Variants in CDH12 observed in about 807,000 individuals in gnomAD.
CDH12 encodes the protein cadherin 12, also known as cadherin-12.
In CDH12, 41 loss-of-function variants were observed where a neutral mutation model predicts 74.1. The observed-to-expected ratio is 0.55, with a 90% confidence interval of 0.43 to 0.72. CDH12 has a LOEUF of 0.72. Ranked by LOEUF, CDH12 falls within the 30% of genes least tolerant of loss-of-function variation. CDH12 has a pLI of 0.00. For synonymous variants in CDH12, 399 were observed against 355.0 expected (o/e 1.12, Z -1.39); for missense variants, 945 against 977.2 (o/e 0.97, Z 0.44).
At chr5:22,009,144 T>C (rs4327574) in intron 5 of CDH12, among the ~76,000 whole-genome samples, 55,379 of 152,030 alleles carry the variant, frequency 0.36, 13,552 homozygotes, top group African/African-American at 0.7. Context: ...TGCAAGAAGC[T>C]GAGGCGACTA....
chr5:22,316,892 C>T (rs1050601458), intron 3 of CDH12, among the ~76,000 whole-genome samples: 5 of 152,054 alleles, frequency 3.3e-5, no homozygotes, highest in Admixed American at 6.6e-5. Flanking sequence ...TCCCTCTGCT[C>T]TAGGATGTGT....
intron 1 of CDH12, among the ~76,000 whole-genome samples, chr5:22,761,470 A>T (rs1311985507): frequency 6.6e-6 from 1 of 152,184 alleles, no homozygotes; most frequent in African/African-American, 2.4e-5. Flanking sequence ...AATCACAAGT[A>T]AATGGTTATC....
chr5:22,724,245 A>T (rs938393447), intron 1 of CDH12, among the ~76,000 whole-genome samples: 2 of 140,348 alleles, frequency 1.4e-5, no homozygotes, highest in African/African-American at 4.9e-5. Flanking sequence ...AAAATTTTTT[A>T]ATTTCAATTG....
intron 1 of CDH12, among the ~76,000 whole-genome samples, chr5:22,626,211 C>T (rs1225127882): frequency 1.3e-5 from 2 of 152,206 alleles, no homozygotes; most frequent in Admixed American, 1.3e-4. Context: ...GCCTCTGCCC[C>T]ATTCCTGCCA....
At chr5:22,495,550 GAA>G (rs1363903108) in intron 2 of CDH12, among the ~76,000 whole-genome samples, 1 of 152,024 alleles carries the variant, frequency 6.6e-6, no homozygotes, top group African/African-American at 2.4e-5. Flanking sequence ...TATGAAACAT[GAA>G]AAGAGTCTGA....
chr5:21,928,317 C>T (rs1754684589), intron 6 of CDH12, among the ~76,000 whole-genome samples: 1 of 152,136 alleles, frequency 6.6e-6, no homozygotes, highest in Non-Finnish European at 1.5e-5. Context: ...GAAAATGAAA[C>T]ACACTCATTC....
rs550925799 is a variant in CDH12, at chr5:22,081,831, C to T, written c.-186-2969G>A. On this transcript the variant is annotated intron_variant, in intron 4 of 14. Coordinates refer to ENST00000382254, the MANE Select transcript of CDH12 (RefSeq NM_004061.5). The stretch of plus-strand genomic sequence containing the variant: ...TACCAGAGTAATCTTGCAGAAGTTT[C>T]CATCCACTCACATCACTTTCCATCT... 5.3e-5 allele frequency among the ~76,000 whole-genome samples: 8 copies of T among 152,296 alleles called. No homozygotes were observed. The East Asian group carries it at 9.6e-4, about 18-fold the overall frequency.
intron 4 of CDH12, among the ~76,000 whole-genome samples, chr5:22,158,583 G>A (rs1342011200): frequency 2.0e-5 from 3 of 152,030 alleles, no homozygotes; most frequent in Non-Finnish European, 2.9e-5. Context: ...GAAATATCAC[G>A]GTGGTAATTC....
intron 5 of CDH12, among the ~76,000 whole-genome samples, chr5:22,007,376 A>G (rs1737027939): frequency 6.6e-6 from 1 of 152,168 alleles, no homozygotes; most frequent in Non-Finnish European, 1.5e-5. Context: ...GCCATATATT[A>G]ATTAGCTTGA....
At chr5:22,770,309 A>G (rs559008321) in intron 1 of CDH12, among the ~76,000 whole-genome samples, 1 of 152,274 alleles carries the variant, frequency 6.6e-6, no homozygotes, top group Non-Finnish European at 1.5e-5. Context: ...CATACAGGGG[A>G]AGAAAACATA....
intron 6 of CDH12, among the ~76,000 whole-genome samples, chr5:21,931,472 G>T (rs1228374180): frequency 6.6e-6 from 1 of 152,112 alleles, no homozygotes; most frequent in African/African-American, 2.4e-5. Context: ...ATGGATCAAT[G>T]AACAAAAGAA....
intron 5 of CDH12, among the ~76,000 whole-genome samples, chr5:22,061,216 G>T (rs114370305): frequency 1.3e-5 from 2 of 152,094 alleles, no homozygotes; most frequent in Admixed American, 6.6e-5. Context: ...AATTCCACAG[G>T]TAGAAATAAT....
Position 22,525,722 on chromosome 5 carries a change from C to T in CDH12, c.-522-20358G>A, listed in dbSNP as rs1051868224. ...AGGCTCCCCCTCAGAGAAGCAACTT[C>T]GGGCTCTACTTGTGGGTACTGGGTA... is the stretch of plus-strand genomic sequence containing the variant. On this transcript the variant is annotated intron_variant, in intron 1 of 14. Transcript: ENST00000382254. 9.9e-5 allele frequency among the ~76,000 whole-genome samples: 15 copies of T among 152,158 alleles called. No homozygotes were observed. In the South Asian group the frequency reaches 1.5e-3, roughly 15 times the overall value.
At chr5:22,320,513 A>G (rs1738827773) in intron 3 of CDH12, among the ~76,000 whole-genome samples, 1 of 152,178 alleles carries the variant, frequency 6.6e-6, no homozygotes, top group Admixed American at 6.5e-5. Context: ...CAAGTAAAAT[A>G]AAAATATGTA....
chr5:21,848,727 T>C lies in CDH12; in HGVS notation c.646+5944A>G, dbSNP rs1750312033. Among the ~76,000 whole-genome samples, 3 of 151,976 alleles carry C rather than the reference T, an allele frequency of 2.0e-5. 1 individual carries two copies. The South Asian group carries it at 6.2e-4, about 31-fold the overall frequency. On this transcript the variant is annotated intron_variant, in intron 7 of 14. Coordinates refer to ENST00000382254, the MANE Select transcript of CDH12 (RefSeq NM_004061.5). ...ATTGTCCAACTTCTTAACTGTATCA[T>C]GTCTTAACTCTCCTATAGGACTTAT...
intron 6 of CDH12, among the ~76,000 whole-genome samples, chr5:21,972,060 T>C (rs568902465): frequency 9.2e-5 from 14 of 152,326 alleles, no homozygotes; most frequent in African/African-American, 2.9e-4. Flanking sequence ...ATATGTTCTT[T>C]GTAATGTTCA....
At chr5:22,297,210 G>A (rs984086363) in intron 3 of CDH12, among the ~76,000 whole-genome samples, 3 of 151,944 alleles carry the variant, frequency 2.0e-5, no homozygotes, top group African/African-American at 7.2e-5. Flanking sequence ...TAATGGACAC[G>A]GGGTTTCTCC....
At chr5:21,762,025 T>C (rs999364991) in intron 12 of CDH12, among the ~76,000 whole-genome samples, 4 of 152,154 alleles carry the variant, frequency 2.6e-5, no homozygotes, top group Non-Finnish European at 5.9e-5. Flanking sequence ...AAACCAACTT[T>C]CCTTCACTTA....
chr5:21,875,206 T>C (rs1271954804), intron 6 of CDH12, among the ~76,000 whole-genome samples: 1 of 152,244 alleles, frequency 6.6e-6, no homozygotes, highest in Non-Finnish European at 1.5e-5. Flanking sequence ...TATTTTATAC[T>C]TGAGTTGCAT....
Sources: allele counts gnomAD v4.1 joint callset (sites outside exome capture counted in the v4.1 genomes callset), GRCh38; gene constraint gnomAD v4.1.1; transcripts MANE v1.5; gene names NCBI Gene and HGNC (gene_info 2026-07-23, HGNC 2026-07-21).